GNAO1: variants seen among roughly 807,000 people sequenced by gnomAD.
GNAO1 encodes G protein subunit alpha o1, also known as guanine nucleotide-binding protein G(o) subunit alpha.
For missense variants in GNAO1, 166 were observed against 478.7 expected, an observed-to-expected ratio of 0.35 and a Z score of 6.10; for synonymous variants, 164 against 180.7, an observed-to-expected ratio of 0.91 and a Z score of 0.74.
At chr16:56,267,501 G>A (rs1233598687) in intron 2 of GNAO1, among the ~76,000 whole-genome samples, 2 of 152,230 alleles carry the variant, frequency 1.3e-5, no homozygotes, top group Non-Finnish European at 2.9e-5. Context: ...TGGGAGGTGC[G>A]AAGGGACCAC....
At chr16:56,329,668 A>G (rs551061916) in intron 4 of GNAO1, among the ~76,000 whole-genome samples, 134 of 152,306 alleles carry the variant, frequency 8.8e-4, no homozygotes, top group African/African-American at 3.0e-3. Context: ...TGCAATTGCA[A>G]TCTGGTACCC....
chr16:56,317,806 G>A (rs553050994), intron 3 of GNAO1, among the ~76,000 whole-genome samples: 9 of 152,088 alleles, frequency 5.9e-5, no homozygotes, highest in Admixed American at 5.2e-4. Flanking sequence ...GATTAGAGAT[G>A]GCACTGAATC....
At chr16:56,324,024 G>C (rs1040936948) in intron 3 of GNAO1, among the ~76,000 whole-genome samples, 1 of 152,156 alleles carries the variant, frequency 6.6e-6, no homozygotes, top group Non-Finnish European at 1.5e-5. Flanking sequence ...CGGGAAGGGC[G>C]GGGGGCCAGG....
chr16:56,251,379 T>G (rs2036798397), intron 2 of GNAO1, among the ~76,000 whole-genome samples: 1 of 152,346 alleles, frequency 6.6e-6, no homozygotes, highest in Non-Finnish European at 1.5e-5. Flanking sequence ...TGAAATCAAG[T>G]TCACTTCTGT....
chr16:56,326,616 C>A lies in GNAO1; in HGVS notation c.304-2015C>A, dbSNP rs1478199859. Among the ~76,000 whole-genome samples the A allele has an allele frequency of 6.6e-6, 1 of 152,216 alleles. No homozygotes were observed. Among genetic ancestry groups the A allele is most frequent in the Non-Finnish European group, 1.5e-5 (1 of 68,040 alleles). ...TGCTGGGGCTCCATCCCATGGGGAT[C>A]CTGTCTGAATGTGTAGCTTGTCTCA... is the stretch of plus-strand genomic sequence containing the variant. On this transcript the variant is annotated intron_variant, in intron 3 of 8. Coordinates refer to ENST00000262493, the MANE Select transcript of GNAO1 (RefSeq NM_020988.3). This position sits in a 1 kb window ranked among gnomAD's most constrained non-coding sequence, Gnocchi z 4.8.
chr16:56,271,744 C>T (rs901163243), intron 2 of GNAO1, among the ~76,000 whole-genome samples: 21 of 152,220 alleles, frequency 1.4e-4, no homozygotes, highest in African/African-American at 4.8e-4. Flanking sequence ...TGAGCCACTG[C>T]GTCCGGTGGA....
intron 2 of GNAO1, among the ~76,000 whole-genome samples, chr16:56,250,128 A>T (rs1258353683): frequency 6.6e-6 from 1 of 152,208 alleles, no homozygotes; most frequent in Non-Finnish European, 1.5e-5. Context: ...TGGGGAGAAA[A>T]GCATGAGCAG....
intron 2 of GNAO1, among the ~76,000 whole-genome samples, chr16:56,224,055 C>G (rs76595749): frequency 0.12 from 17,840 of 152,158 alleles, 1,274 homozygotes; most frequent in South Asian, 0.2. Flanking sequence ...AGTGGGGAAG[C>G]GGGGCCTGCC....
chr16:56,333,843 G>A (rs764979843), intron 4 of GNAO1, among the ~76,000 whole-genome samples: 6 of 152,378 alleles, frequency 3.9e-5, no homozygotes, highest in African/African-American at 1.4e-4. Context: ...GGTTTGCCCC[G>A]GCAGCAGGGA....
chr16:56,199,466 G>T (rs116002488), intron 2 of GNAO1, among the ~76,000 whole-genome samples: 2 of 152,208 alleles, frequency 1.3e-5, no homozygotes, highest in African/African-American at 4.8e-5. Flanking sequence ...CAGCCCTAGC[G>T]TTCACCAGAA....
At chr16:56,219,039 C>T (rs1355889929) in intron 2 of GNAO1, among the ~76,000 whole-genome samples, 1 of 152,194 alleles carries the variant, frequency 6.6e-6, no homozygotes, top group African/African-American at 2.4e-5. Context: ...TCACCACACC[C>T]ACCCCCCAAC....
rs868605471 is a variant in GNAO1 at position 56,339,250 on chromosome 16, C to T, written c.723+2390C>T. Among the ~76,000 whole-genome samples, 8 of 152,240 alleles carry T rather than the reference C, an allele frequency of 5.3e-5. 1 individual carries two copies. In the South Asian group the frequency reaches 1.0e-3, roughly 20 times the overall value. On this transcript the variant is annotated intron_variant, in intron 6 of 8. Coordinates refer to ENST00000262493, the MANE Select transcript of GNAO1 (RefSeq NM_020988.3). Reference sequence around the variant, plus strand: ...GTCCAGGGTCTAGCATCACCCCTGCCGCCTGTGTGATCATGGGCAACCGCC... The same window carrying T: ...GTCCAGGGTCTAGCATCACCCCTGCTGCCTGTGTGATCATGGGCAACCGCC...
intron 3 of GNAO1, among the ~76,000 whole-genome samples, chr16:56,279,489 CT>C (rs2037095094): frequency 1.3e-5 from 2 of 152,194 alleles, no homozygotes; most frequent in African/African-American, 4.8e-5. Flanking sequence ...TCCTCTGGGC[CT>C]TCGCTGGGGT....
Position 56,315,510 on chromosome 16 carries a change from C to G in GNAO1, c.304-13121C>G, listed in dbSNP as rs79339856. On this transcript the variant is annotated intron_variant, in intron 3 of 8. Transcript: ENST00000262493. ...ACAGGATAGTGCCTGCTTGGTGGTG[C>G]AGCTATCCAGAGAGCCCCCATCCAG... Among the ~76,000 whole-genome samples the G allele has an allele frequency of 9.3e-4, 142 of 152,230 alleles. 1 individual carries two copies. The highest frequency in any genetic ancestry group is 3.2e-3 in the African/African-American group (134 of 41,528).
intron 6 of GNAO1, chr16:56,343,884 GTTTGTC>G: frequency 6.2e-7 from 1 of 1,614,178 alleles, no homozygotes; most frequent in Non-Finnish European, 8.5e-7. Flanking sequence ...ACAACATCCA[GTTTGTC>G]TTTGATGCTG....
intron 2 of GNAO1, among the ~76,000 whole-genome samples, chr16:56,222,700 A>C (rs557513113): frequency 6.6e-6 from 1 of 152,270 alleles, no homozygotes; most frequent in East Asian, 1.9e-4. Context: ...TGTGTGAGAA[A>C]GGAAATGCAG....
intron 3 of GNAO1, among the ~76,000 whole-genome samples, chr16:56,288,423 C>A (rs35618422): frequency 0.2 from 30,676 of 152,126 alleles, 3,396 homozygotes; most frequent in East Asian, 0.41. Context: ...AAAGACTGCT[C>A]CCAAGTGTCC....
At chr16:56,309,251 A>G (rs2037430326) in intron 3 of GNAO1, among the ~76,000 whole-genome samples, 1 of 152,056 alleles carries the variant, frequency 6.6e-6, no homozygotes, top group African/African-American at 2.4e-5. Context: ...TCCTTCACAG[A>G]ACAGAGCCCC....
intron 2 of GNAO1, among the ~76,000 whole-genome samples, chr16:56,219,002 T>C (rs1286347744): frequency 6.6e-6 from 1 of 152,146 alleles, no homozygotes; most frequent in Admixed American, 6.5e-5. Flanking sequence ...TTTAGGGGAA[T>C]ATGCTCAGTT....
Sources: allele counts gnomAD v4.1 joint callset (sites outside exome capture counted in the v4.1 genomes callset), GRCh38; gene constraint gnomAD v4.1.1; non-coding constraint Gnocchi (gnomAD v3.1); transcripts MANE v1.5; gene names NCBI Gene and HGNC (gene_info 2026-07-23, HGNC 2026-07-21).